Variants in CACHD1 observed in about 807,000 individuals in gnomAD.
CACHD1 encodes the protein VWFA and cache domain-containing protein 1.
CACHD1 carries 71 observed loss-of-function variants against 138.7 expected under a neutral mutation model. The observed-to-expected ratio is 0.51, with a 90% CI of 0.42 to 0.62. The LOEUF (loss-of-function observed/expected upper bound fraction) is 0.62. Ranked by LOEUF, CACHD1 falls within the 20% of genes least tolerant of loss-of-function variation. CACHD1 has a pLI of 0.00. For missense variants in CACHD1, 1,389 were observed against 1,625.3 expected, an observed-to-expected ratio of 0.85 and a Z score of 2.50; for synonymous variants, 578 against 591.5, an observed-to-expected ratio of 0.98 and a Z score of 0.33.
intron 3 of CACHD1, among the ~76,000 whole-genome samples, chr1:64,602,401 G>C (rs1647225978): frequency 6.6e-6 from 1 of 150,570 alleles, no homozygotes; most frequent in Non-Finnish European, 1.5e-5. Context: ...TTTTGTACTT[G>C]GTCATTGGTT....
intron 1 of CACHD1, among the ~76,000 whole-genome samples, chr1:64,472,758 T>C (rs1301907519): frequency 1.3e-5 from 2 of 152,202 alleles, no homozygotes; most frequent in Admixed American, 6.5e-5. Flanking sequence ...GGAAACTTAA[T>C]ATATTGGAGT....
intron 26 of CACHD1, among the ~76,000 whole-genome samples, chr1:64,684,363 C>CTTTTTTTTTTTTTTTTTTTTTTGTTT (rs397980387): frequency 1.8e-5 from 1 of 54,982 alleles, no homozygotes; most frequent in Non-Finnish European, 3.5e-5. Flanking sequence ...TCTTCTTCTT[C>CTTTTTTTTTTTTTTTTTTTTTTGTTT]TTTTTTTTTT....
At position 64,519,694 on chromosome 1, in the gene CACHD1, T is replaced by TTGATGTTTTAGTTAGTCTTATGACGAGCA. The variant is rs1570325270; in HGVS notation, c.199-30899_199-30871dup. 3.9e-4 allele frequency among the ~76,000 whole-genome samples: 11 copies of TTGATGTTTTAGTTAGTCTTATGACGAGCA among 28,342 alleles called. No homozygotes were observed. The East Asian group carries it at 0.027, about 68-fold the overall frequency. 18.6% of individuals were successfully genotyped at this position (28,342 alleles called of 152,430 possible). On this transcript the variant is annotated intron_variant, in intron 1 of 26. Coordinates refer to ENST00000651257, the MANE Select transcript of CACHD1 (RefSeq NM_020925.4). The stretch of plus-strand genomic sequence containing the variant: ...TAATTCCTGGCTCAAGCCAAAAAAC[T>TTGATGTTTTAGTTAGTCTTATGACGAGCA]TGATGTTTTAGTTAGTCTTATGACG...
At chr1:64,678,012 A>T (rs1232555768) in intron 22 of CACHD1, 147 bp from the exon 23 acceptor site, 1 of 756,012 alleles carries the variant, frequency 1.3e-6, no homozygotes, top group Non-Finnish European at 2.0e-6. Context: ...TGCTATTCTC[A>T]TTTTATAAGG....
intron 2 of CACHD1, among the ~76,000 whole-genome samples, chr1:64,575,224 T>A (rs917341053): frequency 5.3e-5 from 8 of 152,216 alleles, no homozygotes; most frequent in Non-Finnish European, 1.2e-4. Context: ...GAGGAACTGA[T>A]GCTAAGGGAA....
chr1:64,495,685 G>T lies in CACHD1; in HGVS notation c.198+24743G>T, dbSNP rs1277652486. Among the ~76,000 whole-genome samples, 8 of 89,082 alleles carry T rather than the reference G, an allele frequency of 9.0e-5. No individual in the cohort carries two copies. In the South Asian group the frequency reaches 2.0e-3, roughly 22 times the overall value. The allele number at this position is 89,082 out of a possible 152,430, so 58.4% of individuals were successfully genotyped here. A position where few individuals can be genotyped will look rare whatever the true frequency, so the allele number is the denominator to read the frequency against. On this transcript the variant is annotated intron_variant, in intron 1 of 26. Transcript: ENST00000651257. Reference sequence around the variant, plus strand: ...CTTTTTATTTGACTCCAAGCTAAGAGAATTACTTTTTTTTTTTTTGACCCT... The same window carrying T: ...CTTTTTATTTGACTCCAAGCTAAGATAATTACTTTTTTTTTTTTTGACCCT...
At chr1:64,666,234 G>A (rs1273557716) in intron 16 of CACHD1, 67 bp downstream of exon 16, 2 of 1,037,904 alleles carry the variant, frequency 1.9e-6, no homozygotes, top group Non-Finnish European at 2.9e-6. Context: ...AATCTGAATA[G>A]AAGAGTACGC....
chr1:64,515,390 C>T (rs956886033), intron 1 of CACHD1, among the ~76,000 whole-genome samples: 2 of 152,174 alleles, frequency 1.3e-5, no homozygotes, highest in African/African-American at 4.8e-5. Context: ...TTAAATTACC[C>T]TAAGAGCCTC....
rs1647075686 is a variant in CACHD1, at chr1:64,588,983, CA to C, written c.410+6682del. 2.0e-5 allele frequency among the ~76,000 whole-genome samples: 3 copies of C among 152,132 alleles called. No homozygotes were observed. In the South Asian group the frequency reaches 6.2e-4, roughly 32 times the overall value. On this transcript the variant is annotated intron_variant, in intron 3 of 26. Coordinates refer to ENST00000651257, the MANE Select transcript of CACHD1 (RefSeq NM_020925.4). ...TAAGGCATCTGTCTGGCTTGATGAG[CA>C]AATGGATGCTCTGATGGAGTTAGAG... is the stretch of plus-strand genomic sequence containing the variant.
intron 1 of CACHD1, among the ~76,000 whole-genome samples, chr1:64,512,580 G>GAC (rs570344038): frequency 5.5e-4 from 83 of 152,126 alleles, no homozygotes; most frequent in South Asian, 4.4e-3. Flanking sequence ...GCTAGGGACA[G>GAC]ACACACACAC....
At chr1:64,631,725 T>A (rs1241938923) in intron 5 of CACHD1, among the ~76,000 whole-genome samples, 1 of 152,196 alleles carries the variant, frequency 6.6e-6, no homozygotes, top group Non-Finnish European at 1.5e-5. Flanking sequence ...AGCAAAAGGC[T>A]GCTTTGATGG....
intron 1 of CACHD1, among the ~76,000 whole-genome samples, chr1:64,535,155 G>A (rs1646621512): frequency 6.6e-6 from 1 of 152,084 alleles, no homozygotes; most frequent in Non-Finnish European, 1.5e-5. Flanking sequence ...AGTAGAAAGT[G>A]GTTAATATCT....
intron 9 of CACHD1, 114 bp downstream of exon 9, chr1:64,648,148 ATC>A (rs1471033602): frequency 1.3e-6 from 1 of 761,630 alleles, no homozygotes; most frequent in East Asian, 2.7e-5. Context: ...CCTGTCCTAT[ATC>A]TCTGTATTGT....
intron 3 of CACHD1, among the ~76,000 whole-genome samples, chr1:64,591,979 G>A (rs112994421): frequency 5.3e-5 from 8 of 152,276 alleles, no homozygotes; most frequent in African/African-American, 1.9e-4. Context: ...GTTAGTTTGT[G>A]GTAGCAAAAC....
intron 15 of CACHD1, among the ~76,000 whole-genome samples, chr1:64,665,662 T>A (rs1649605572): frequency 6.6e-6 from 1 of 152,138 alleles, no homozygotes; most frequent in Non-Finnish European, 1.5e-5. Context: ...ATCCTAAATA[T>A]TTTTAGACTT....
Position 64,609,917 on chromosome 1 carries a change from A to G in CACHD1, c.517+7005A>G, listed in dbSNP as rs192617012. 8.5e-5 allele frequency among the ~76,000 whole-genome samples: 13 copies of G among 152,324 alleles called. No individual in the cohort carries two copies. In the East Asian group the frequency reaches 2.3e-3, roughly 27 times the overall value. On this transcript the variant is annotated intron_variant, in intron 4 of 26. Coordinates refer to ENST00000651257, the MANE Select transcript of CACHD1 (RefSeq NM_020925.4). ...ACATACCTGAGACTAGGTAATTTAT[A>G]AAGGAAAGAGGTTTAATTGACTCAC...
intron 7 of CACHD1, 95 bp from the exon 8 acceptor site, chr1:64,641,725 C>T (rs905584621): frequency 9.8e-6 from 9 of 919,476 alleles, no homozygotes; most frequent in Non-Finnish European, 1.3e-5. Context: ...GGCAAGTCCT[C>T]GAGGTGGGGA....
chr1:64,494,070 T>TGG lies in CACHD1; in HGVS notation c.198+23129_198+23130dup, dbSNP rs1193410239. On this transcript the variant is annotated intron_variant, in intron 1 of 26. Coordinates refer to ENST00000651257, the MANE Select transcript of CACHD1 (RefSeq NM_020925.4). ...GGAGGAGGCGGCCAGCGTTGGAATG[T>TGG]GGAGACCAGGGTATTGGCACTTCAG... Among the ~76,000 whole-genome samples the TGG allele has an allele frequency of 3.3e-5, 5 of 152,170 alleles. No homozygotes were observed. The East Asian group carries it at 7.7e-4, about 23-fold the overall frequency.
chr1:64,487,729 A>G (rs748579191), intron 1 of CACHD1, among the ~76,000 whole-genome samples: 17 of 152,230 alleles, frequency 1.1e-4, no homozygotes, highest in Non-Finnish European at 2.5e-4. Flanking sequence ...TGTTACGTCA[A>G]CCATAGTGCC....
Sources: allele counts gnomAD v4.1 joint callset (sites outside exome capture counted in the v4.1 genomes callset), GRCh38; gene constraint gnomAD v4.1.1; transcripts MANE v1.5; gene names NCBI Gene and HGNC (gene_info 2026-07-23, HGNC 2026-07-21).